The following AIPL1 variants were observed in gnomAD, a reference collection of about 807,000 sequenced individuals.
AIPL1 encodes aryl-hydrocarbon-interacting protein-like 1.
Under a neutral mutation model 32.9 loss-of-function variants are expected in AIPL1, and 23 were observed. That is an observed-to-expected ratio of 0.70 (90% CI 0.50 to 0.99). The LOEUF (loss-of-function observed/expected upper bound fraction) is 0.99, where lower values mean the gene tolerates loss of function less well. AIPL1 is among the 50% of genes least tolerant of loss of function. The pLI, the probability that AIPL1 is intolerant of heterozygous loss-of-function variation, is 0.00. For missense variants in AIPL1, 485 were observed against 506.0 expected (o/e 0.96, Z 0.40); for synonymous variants, 210 against 209.4 (o/e 1.00, Z -0.02).
At chr17:6,425,966 C>T (rs756168407) in intron 5 of AIPL1, 136 bp from the exon 6 acceptor site, 15 of 1,253,396 alleles carry the variant, frequency 1.2e-5, no homozygotes, top group Non-Finnish European at 1.6e-5. Flanking sequence ...CCCCATCCCT[C>T]GGTTTCCTCA....
chr17:6,433,954 C>T lies in AIPL1; in HGVS notation c.241G>A (p.Val81Met), dbSNP rs1329458187. 3.1e-6 allele frequency: 5 copies of T among 1,613,164 alleles called. No homozygotes were observed. The highest frequency in any genetic ancestry group is 3.3e-5 in the Admixed American group (2 of 59,972). ...VWEILLTSMR[V>M]HEVAEFWCDT... ...CACCAGAACTCGGCCACCTCGTGCA[C>T]CCGCATGGAGGTAAGCAGGATCTCC... Residue 81 changes from valine (V) to methionine (M), a missense_variant, in exon 2 of 6, where the codon GTG becomes ATG. Coordinates refer to ENST00000381129, the MANE Select transcript of AIPL1 (RefSeq NM_014336.5).
intron 2 of AIPL1, among the ~76,000 whole-genome samples, chr17:6,433,706 G>T (rs1912857094): frequency 1.3e-5 from 2 of 150,296 alleles, no homozygotes; most frequent in Non-Finnish European, 3.0e-5. Context: ...TCATAGCCCT[G>T]CTCCCCACCA....
Sources: allele counts gnomAD v4.1 joint callset (sites outside exome capture counted in the v4.1 genomes callset), GRCh38; gene constraint gnomAD v4.1.1; transcripts MANE v1.5; gene names NCBI Gene and HGNC (gene_info 2026-07-23, HGNC 2026-07-21).